The following ZRANB3 variants were observed in gnomAD, a reference collection of about 807,000 sequenced individuals.
ZRANB3 encodes the protein DNA annealing helicase and endonuclease ZRANB3.
In ZRANB3, 125 loss-of-function variants were observed where a neutral mutation model predicts 133.8. The ratio of observed to expected loss-of-function variants is 0.93; its 90% CI spans 0.81 to 1.08. The LOEUF is 1.08. Ranked by LOEUF, ZRANB3 falls within the 50% of genes least tolerant of loss-of-function variation. The pLI, the probability that ZRANB3 is intolerant of heterozygous loss-of-function variation, is 0.00. For missense variants in ZRANB3, 1,229 were observed against 1,275.5 expected (o/e 0.96, Z 0.56); for synonymous variants, 387 against 432.7 (o/e 0.89, Z 1.31).
intron 1 of ZRANB3, among the ~76,000 whole-genome samples, chr2:135,528,408 A>G (rs1694250362): frequency 6.6e-6 from 1 of 152,172 alleles, no homozygotes; most frequent in African/African-American, 2.4e-5. Context: ...TTGACATCTT[A>G]AAGTGCTGGG....
intron 7 of ZRANB3, 67 bp downstream of exon 7, chr2:135,315,292 T>C: frequency 7.8e-7 from 1 of 1,290,002 alleles, no homozygotes; most frequent in Non-Finnish European, 1.0e-6. Context: ...ATGAAATACG[T>C]ATAATCTTTA....
intron 2 of ZRANB3, among the ~76,000 whole-genome samples, chr2:135,497,463 T>C (rs1023557363): frequency 1.3e-5 from 2 of 152,230 alleles, no homozygotes; most frequent in Admixed American, 6.5e-5. Flanking sequence ...CATGTAACTA[T>C]TTAAATTTGA....
intron 2 of ZRANB3, among the ~76,000 whole-genome samples, chr2:135,495,139 G>C (rs1692606996): frequency 1.3e-5 from 2 of 151,982 alleles, no homozygotes; most frequent in Admixed American, 6.6e-5. Flanking sequence ...GAGGTCAGAG[G>C]ATCACTTAGG....
At chr2:135,221,884 T>C (rs1222107524) in intron 15 of ZRANB3, among the ~76,000 whole-genome samples, 2 of 152,220 alleles carry the variant, frequency 1.3e-5, no homozygotes, top group Non-Finnish European at 2.9e-5. Flanking sequence ...TTATTGTCCA[T>C]GCTAGAGGCT....
At chr2:135,274,055 TATATGATAAC>T (rs1680667515) in intron 9 of ZRANB3, among the ~76,000 whole-genome samples, 1 of 152,238 alleles carries the variant, frequency 6.6e-6, no homozygotes, top group Non-Finnish European at 1.5e-5. Context: ...TTTCAGAAAC[TATATGATAAC>T]CAATGAGAAA....
intron 2 of ZRANB3, among the ~76,000 whole-genome samples, chr2:135,456,758 T>G (rs1690537670): frequency 6.6e-6 from 1 of 152,136 alleles, no homozygotes; most frequent in Non-Finnish European, 1.5e-5. Flanking sequence ...AGTACAGGAT[T>G]GGGGAACAGT....
At chr2:135,404,247 A>G (rs542299916) in intron 2 of ZRANB3, among the ~76,000 whole-genome samples, 1 of 152,366 alleles carries the variant, frequency 6.6e-6, no homozygotes, top group South Asian at 2.1e-4. Context: ...AATGCAGAGA[A>G]GTCCTTAAAG....
chr2:135,481,999 T>C (rs935666726), intron 2 of ZRANB3, among the ~76,000 whole-genome samples: 3 of 135,740 alleles, frequency 2.2e-5, no homozygotes, highest in Non-Finnish European at 4.5e-5. Flanking sequence ...ACCAGGACCA[T>C]GCTGTTTTGG....
intron 2 of ZRANB3, among the ~76,000 whole-genome samples, chr2:135,431,101 T>A (rs1292201753): frequency 6.7e-6 from 1 of 149,836 alleles, no homozygotes; most frequent in Non-Finnish European, 1.5e-5. Flanking sequence ...GATGTGAGAC[T>A]CTATCCCTAA....
chr2:135,207,753 G>GA lies in ZRANB3; in HGVS notation c.2689dup (p.Ser897PhefsTer10). On this transcript the variant is annotated frameshift_variant, in exon 19 of 21. Coordinates refer to ENST00000264159, the MANE Select transcript of ZRANB3 (RefSeq NM_032143.4). LOFTEE classifies it high-confidence loss of function. ...ATCCACAGCTTGCAAATAGCCTTTGGATGTAGAGGGCTTCACAGTGAGATC... is the reference window on the plus strand; with the variant it reads ...ATCCACAGCTTGCAAATAGCCTTTGGAATGTAGAGGGCTTCACAGTGAGATC... 6.2e-7 allele frequency: 1 copy of GA among 1,614,034 alleles called. No homozygotes were observed.
intron 12 of ZRANB3, among the ~76,000 whole-genome samples, chr2:135,236,578 T>C (rs2105076650): frequency 6.6e-6 from 1 of 152,294 alleles, no homozygotes; most frequent in East Asian, 1.9e-4. Context: ...ATGGTACTGG[T>C]ACCAAAACAG....
Position 135,397,457 on chromosome 2 carries a change from AAAAAG to A in ZRANB3, c.162-6642_162-6638del, listed in dbSNP as rs993692574. 2.6e-4 allele frequency among the ~76,000 whole-genome samples: 39 copies of A among 151,798 alleles called. 1 individual carries two copies. Among genetic ancestry groups the A allele is most frequent in the African/African-American group, 6.5e-4 (27 of 41,414 alleles). ...AGCCAGACCCTGACTCAAAAAAAAAAAAAAGAAAAGAAAAGAAAAGAAAAACCTTT... is the reference window on the plus strand; with the variant it reads ...AGCCAGACCCTGACTCAAAAAAAAAAAAAAGAAAAGAAAAGAAAAACCTTT... On this transcript the variant is annotated intron_variant, in intron 2 of 20. Coordinates refer to ENST00000264159, the MANE Select transcript of ZRANB3 (RefSeq NM_032143.4).
chr2:135,411,538 TGAATAAAGAAAATTTA>T (rs1453882595), intron 2 of ZRANB3, among the ~76,000 whole-genome samples: 1 of 152,156 alleles, frequency 6.6e-6, no homozygotes, highest in Non-Finnish European at 1.5e-5. Context: ...AACAGTGGAC[TGAATAAAGAAAATTTA>T]GTATATATAC....
chr2:135,419,703 T>G (rs1383918473), intron 2 of ZRANB3, among the ~76,000 whole-genome samples: 1 of 151,570 alleles, frequency 6.6e-6, no homozygotes. Context: ...ACAAAGGTTT[T>G]TTTTTTTTTT....
chr2:135,291,345 G>C (rs1158735191), intron 8 of ZRANB3, among the ~76,000 whole-genome samples: 1 of 151,680 alleles, frequency 6.6e-6, no homozygotes. Context: ...ACCACACCTA[G>C]CTAATTTTTG....
chr2:135,348,277 A>AAAAG (rs1685039552), intron 5 of ZRANB3, among the ~76,000 whole-genome samples: 1 of 151,854 alleles, frequency 6.6e-6, no homozygotes, highest in Non-Finnish European at 1.5e-5. Flanking sequence ...AAAAGAAAAG[A>AAAAG]AAAGAAAGAA....
chr2:135,482,044 T>A (rs1338618702), intron 2 of ZRANB3, among the ~76,000 whole-genome samples: 1 of 137,148 alleles, frequency 7.3e-6, no homozygotes, highest in Non-Finnish European at 1.5e-5. Context: ...TGAAGTCAGG[T>A]CGTGTGATGC....
chr2:135,350,030 C>A lies in ZRANB3; in HGVS notation c.545G>T (p.Arg182Leu). 1 of 1,613,756 alleles carries A rather than the reference C, an allele frequency of 6.2e-7. No homozygotes were observed. The highest frequency in any genetic ancestry group is 8.5e-7 in the Non-Finnish European group (1 of 1,179,848). ...TGGTGTTCCTGTAAGAAGAATGGCT[C>A]GTCTGGCTTTCTGTACTATTGGCAA... is the stretch of plus-strand genomic sequence containing the variant. ...ILLPIVQKARRAILLTGTPAL... is the reference protein window; with the variant it reads ...ILLPIVQKARLAILLTGTPAL... The change falls in exon 5 of 21, where the codon CGA becomes CTA. Residue 182 changes from arginine to leucine, a missense_variant. Physicochemically the swap from Arg to Leu is moderately radical, Grantham distance 102. Coordinates refer to ENST00000264159, the MANE Select transcript of ZRANB3 (RefSeq NM_032143.4).
chr2:135,333,050 G>A (rs1250223276), intron 6 of ZRANB3, among the ~76,000 whole-genome samples: 1 of 152,108 alleles, frequency 6.6e-6, no homozygotes, highest in Non-Finnish European at 1.5e-5. Flanking sequence ...TTGTACCTTA[G>A]AGAAAACTGG....
Sources: gnomAD v4.1 joint callset for allele counts (sites outside exome capture counted in the v4.1 genomes callset) on GRCh38, gnomAD v4.1.1 for gene constraint, MANE v1.5 for transcripts, NCBI Gene and HGNC (gene_info 2026-07-23, HGNC 2026-07-21) for gene names.